Variants in LRRC66 observed in about 807,000 individuals in gnomAD.
The protein encoded by LRRC66 is leucine rich repeat containing 66.
LRRC66 carries 29 observed loss-of-function variants against 24.6 expected under a neutral mutation model. The observed-to-expected ratio is 1.18, with a 90% CI of 0.88 to 1.61. The LOEUF (loss-of-function observed/expected upper bound fraction) is 1.61. Among genes scored for constraint, LRRC66 ranks in the 40% most tolerant of loss-of-function variants. The probability of loss-of-function intolerance (pLI) is 0.00; values close to 1 mark genes in which losing one functional copy is unlikely to be tolerated. For synonymous variants in LRRC66, 411 were observed against 397.6 expected (o/e 1.03, Z -0.40); for missense variants, 1,124 against 1,058.0 (o/e 1.06, Z -0.87).
chr4:51,996,565 A>G (rs889548606), intron 4 of LRRC66, among the ~76,000 whole-genome samples: 1 of 152,116 alleles, frequency 6.6e-6, no homozygotes, highest in African/African-American at 2.4e-5. Context: ...TCCAGATTCT[A>G]GTGGTTTCAG....
rs1167700473 is a variant in LRRC66, at chr4:52,018,615, C to A, written c.-5-997G>T. Reference sequence around the variant, plus strand: ...TCTTTGTGATCCATCCTAGGTGACTCCAAAGGATTATTTTCCTACAATAAC... The same window carrying A: ...TCTTTGTGATCCATCCTAGGTGACTACAAAGGATTATTTTCCTACAATAAC... On this transcript the variant is annotated intron_variant, in intron 1 of 4. Transcript: ENST00000682860. 3.0e-6 allele frequency: 3 copies of A among 983,692 alleles called. No individual in the cohort carries two copies. In the African/African-American group the frequency reaches 5.2e-5, roughly 17 times the overall value. 60.9% of individuals were successfully genotyped at this position (983,692 alleles called of 1,614,324 possible).
chr4:52,016,880 C>A (rs573167766), intron 2 of LRRC66, among the ~76,000 whole-genome samples: 7 of 152,148 alleles, frequency 4.6e-5, no homozygotes, highest in Non-Finnish European at 1.0e-4. Flanking sequence ...TTCCTAGTGT[C>A]TCGATAACCG....
At position 51,995,801 on chromosome 4, in the gene LRRC66, T is replaced by C. The variant is rs1182692546; in HGVS notation, c.1221A>G (p.Lys407=). Reference sequence around the variant, plus strand: ...GGCCAGGGCTTTTGCTCTGGCACTTTTTTTGCCACAGTCTGTCAACATAAG... The same window carrying C: ...GGCCAGGGCTTTTGCTCTGGCACTTCTTTTGCCACAGTCTGTCAACATAAG... ...TRPYVDRLWQ[K]KCQSKSPGLD... is the part of the protein sequence containing the mutation. Residue 407 remains lysine (K), a synonymous_variant, in exon 5 of 5, where the codon AAA becomes AAG. Coordinates refer to ENST00000682860, the MANE Select transcript of LRRC66 (RefSeq NM_001024611.3). 2 of 1,614,040 alleles carry C rather than the reference T, an allele frequency of 1.2e-6. No individual in the cohort carries two copies. Among genetic ancestry groups the C allele is most frequent in the East Asian group, 4.5e-5 (2 of 44,876 alleles).
chr4:51,994,374 G>A lies in LRRC66; in HGVS notation c.*5C>T. On this transcript the variant is annotated 3_prime_UTR_variant, in exon 5 of 5. Coordinates refer to ENST00000682860, the MANE Select transcript of LRRC66 (RefSeq NM_001024611.3). The stretch of plus-strand genomic sequence containing the variant: ...AGCTGTGAATATTTCCTTAATGAAA[G>A]ATTCTTATTTTAAAATGTCTGAGTC... 6.3e-7 allele frequency: 1 copy of A among 1,597,146 alleles called. No homozygotes were observed. The highest frequency in any genetic ancestry group is 8.5e-7 in the Non-Finnish European group (1 of 1,171,726).
chr4:52,017,291 A>G lies in LRRC66; in HGVS notation c.323T>C (p.Leu108Ser), dbSNP rs573491853. Residue 108 changes from leucine to serine, a missense_variant, in exon 2 of 5, where the codon TTA becomes TCA. Transcript: ENST00000682860. ...SKITLSPFAY[L>S]HALEVLNLSN... ...GAGGTTTAACACTTCCAAAGCATGT[A>G]AATATGCAAAAGGGCTTAAGGTTAT... The G allele has an allele frequency of 1.9e-6, 3 of 1,614,182 alleles. 1 individual carries two copies. In the South Asian group the frequency reaches 3.3e-5, roughly 18 times the overall value.
At chr4:52,003,490 C>T (rs1736502277) in intron 2 of LRRC66, 98 bp from the exon 3 acceptor site, 1 of 979,138 alleles carries the variant, frequency 1.0e-6, no homozygotes, top group African/African-American at 1.6e-5. Context: ...TAAGAGTTCT[C>T]AATTGAGGTA....
At position 51,994,373 on chromosome 4, in the gene LRRC66, A is replaced by C; in HGVS notation, c.*6T>G. 1 of 1,598,588 alleles carries C rather than the reference A, an allele frequency of 6.3e-7. No individual in the cohort carries two copies. Among genetic ancestry groups the C allele is most frequent in the Non-Finnish European group, 8.5e-7 (1 of 1,173,298 alleles). On this transcript the variant is annotated 3_prime_UTR_variant, in exon 5 of 5. Coordinates refer to ENST00000682860, the MANE Select transcript of LRRC66 (RefSeq NM_001024611.3). ...GAGCTGTGAATATTTCCTTAATGAA[A>C]GATTCTTATTTTAAAATGTCTGAGT...
At position 51,996,118 on chromosome 4, in the gene LRRC66, C is replaced by T; in HGVS notation, c.904G>A (p.Glu302Lys). The T allele has an allele frequency of 1.9e-6, 3 of 1,613,932 alleles. No individual in the cohort carries two copies. Among genetic ancestry groups the T allele is most frequent in the Non-Finnish European group, 2.5e-6 (3 of 1,179,944 alleles). Reference sequence around the variant, plus strand: ...AGATGAATGGGAGGAAGGCGGGTTTCCCTGGAAATCCTGCTCTGGGGAGTG... The same window carrying T: ...AGATGAATGGGAGGAAGGCGGGTTTTCCTGGAAATCCTGCTCTGGGGAGTG... ...GGTPQSRISR[E>K]TRLPPIHLHR... Residue 302 changes from glutamate (E) to lysine (K), a missense_variant, in exon 5 of 5, where the codon GAA becomes AAA. Physicochemically the swap from Glu to Lys is moderately conservative, Grantham distance 56. Transcript: ENST00000682860.
chr4:52,010,846 T>C (rs546403265), intron 2 of LRRC66, among the ~76,000 whole-genome samples: 11 of 152,342 alleles, frequency 7.2e-5, no homozygotes, highest in East Asian at 3.9e-4. Context: ...CTAGGTCGAA[T>C]TGTAATTCTG....
chr4:52,013,666 G>A (rs1736747982), intron 2 of LRRC66, among the ~76,000 whole-genome samples: 1 of 152,168 alleles, frequency 6.6e-6, no homozygotes, highest in Non-Finnish European at 1.5e-5. Context: ...CCAACATGAA[G>A]CTTATTGGTG....
At chr4:52,017,675 A>G in intron 1 of LRRC66, 57 bp from the exon 2 acceptor site, 2 of 1,433,408 alleles carry the variant, frequency 1.4e-6, no homozygotes, top group Non-Finnish European at 1.8e-6. Context: ...ACTAACAGCA[A>G]TAAGCAGCAA....
chr4:51,996,231 CTTT>C, intron 4 of LRRC66, 66 bp from the exon 5 acceptor site: 1 of 1,434,518 alleles, frequency 7.0e-7, no homozygotes, highest in South Asian at 1.4e-5. Flanking sequence ...GGGTTTTTCT[CTTT>C]TTTACAGAAT....
At chr4:51,998,548 A>G (rs903580587) in intron 3 of LRRC66, among the ~76,000 whole-genome samples, 9 of 152,238 alleles carry the variant, frequency 5.9e-5, no homozygotes, top group Non-Finnish European at 8.8e-5. Context: ...CTGACCTCAG[A>G]GAGAGATCTT....
intron 3 of LRRC66, among the ~76,000 whole-genome samples, chr4:52,002,082 C>G (rs1736458228): frequency 1.3e-5 from 2 of 152,106 alleles, no homozygotes; most frequent in East Asian, 3.9e-4. Flanking sequence ...CAGGGGTGGT[C>G]CAAATTGGGA....
Position 51,996,075 on chromosome 4 carries a change from A to T in LRRC66, c.947T>A (p.Leu316His). 6.2e-7 allele frequency: 1 copy of T among 1,613,862 alleles called. No homozygotes were observed. ...PPIHLHRMKS[L>H]IRSKAERPQG... The stretch of plus-strand genomic sequence containing the variant: ...GGGCCTCTCTGCTTTGCTCCTTATG[A>T]GGCTTTTCATGCGATGCAGATGAAT... The change falls in exon 5 of 5, where the codon CTC (leucine) becomes CAC (histidine). Residue 316 changes from leucine to histidine, a missense_variant. By Grantham distance (99) the Leu-to-His change is moderately conservative (BLOSUM62 -3). Coordinates refer to ENST00000682860, the MANE Select transcript of LRRC66 (RefSeq NM_001024611.3).
rs752868980 is a variant in LRRC66, at chr4:51,994,811, G to T, written c.2211C>A (p.Asp737Glu). 1 of 1,614,158 alleles carries T rather than the reference G, an allele frequency of 6.2e-7. No homozygotes were observed. Among genetic ancestry groups the T allele is most frequent in the Non-Finnish European group, 8.5e-7 (1 of 1,180,018 alleles). ...EAVPDEESLQ[D>E]ESSGASKDNV... The stretch of plus-strand genomic sequence containing the variant: ...TGTCCTTGCTTGCCCCTGAGCTCTC[G>T]TCCTGCAGGGACTCCTCATCAGGCA... The change falls in exon 5 of 5, where the codon GAC becomes GAA. Residue 737 changes from aspartate (D) to glutamate (E), a missense_variant. By Grantham distance (45) the Asp-to-Glu change is conservative. Transcript: ENST00000682860.
intron 3 of LRRC66, among the ~76,000 whole-genome samples, chr4:52,001,737 C>G (rs1265296893): frequency 2.0e-5 from 3 of 152,162 alleles, no homozygotes; most frequent in African/African-American, 4.8e-5. Flanking sequence ...GCCACGCTCC[C>G]CATCACTGCT....
chr4:52,006,010 A>C (rs1736574541), intron 2 of LRRC66, among the ~76,000 whole-genome samples: 1 of 152,254 alleles, frequency 6.6e-6, no homozygotes, highest in African/African-American at 2.4e-5. Flanking sequence ...CAGCTTTCTT[A>C]ACATTTTCAT....
intron 4 of LRRC66, 125 bp downstream of exon 4, chr4:51,997,619 AGACT>A (rs1465405321): frequency 1.3e-6 from 1 of 790,768 alleles, no homozygotes; most frequent in Non-Finnish European, 2.1e-6. Flanking sequence ...ACACAGCCCA[AGACT>A]GACTAATGCC....
Sources: gnomAD v4.1 joint callset for allele counts (sites outside exome capture counted in the v4.1 genomes callset) on GRCh38, gnomAD v4.1.1 for gene constraint, MANE v1.5 for transcripts, NCBI Gene and HGNC (gene_info 2026-07-23, HGNC 2026-07-21) for gene names.